Variants in POLR1D observed in about 807,000 individuals in gnomAD.
The protein encoded by POLR1D is RNA polymerase I and III subunit D.
Under a neutral mutation model 10.8 loss-of-function variants are expected in POLR1D, and 8 were observed. That is an observed-to-expected ratio of 0.74 (90% confidence interval 0.43 to 1.33). POLR1D has a LOEUF of 1.33. Ranked by LOEUF, POLR1D falls within the 40% of genes most tolerant of loss-of-function variation. The pLI, the probability that POLR1D is intolerant of heterozygous loss-of-function variation, is 0.01. For missense variants in POLR1D, 152 were observed against 161.7 expected, an observed-to-expected ratio of 0.94 and a Z score of 0.32; for synonymous variants, 54 against 57.2, an observed-to-expected ratio of 0.94 and a Z score of 0.25.
intron 2 of POLR1D, among the ~76,000 whole-genome samples, chr13:27,655,157 A>G (rs1445103883): frequency 1.3e-5 from 2 of 152,228 alleles, no homozygotes; most frequent in African/African-American, 4.8e-5. Context: ...TTCAAAATCA[A>G]TTCCTTATAC....
At chr13:27,665,470 T>C (rs1956406431) in intron 2 of POLR1D, 2 of 579,672 alleles carry the variant, frequency 3.5e-6, no homozygotes, top group Non-Finnish European at 6.1e-6. Context: ...AGGTTTAAAG[T>C]GTTCCAGCCA....
Position 27,663,156 on chromosome 13 carries a change from T to G in POLR1D, c.102-2530T>G, listed in dbSNP as rs958147879. On this transcript the variant is annotated intron_variant, in intron 2 of 2. Coordinates refer to the POLR1D transcript ENST00000399697. This position sits in a 1 kb window ranked among gnomAD's most constrained non-coding sequence, Gnocchi z 4.1. ...GTGCAGATTTTGGAATTTCTTTATA[T>G]AAAATGATTTACTATATGTACCTTC... Among the ~76,000 whole-genome samples the G allele has an allele frequency of 6.6e-6, 1 of 152,256 alleles. No homozygotes were observed. The highest frequency in any genetic ancestry group is 2.4e-5 in the African/African-American group (1 of 41,466).
chr13:27,620,951 A>C (rs935273602), upstream of POLR1D: 1 of 152,870 alleles, frequency 6.5e-6, no homozygotes, highest in African/African-American at 2.4e-5. Context: ...AGGGAAGCAG[A>C]AACGTAGTTG....
Position 27,623,405 on chromosome 13 carries a change from C to T in POLR1D, c.*155C>T. ...CCCCTTGCAGCTGTTGGAATCTCTG[C>T]AAGAACCTCTGTATTCTTCTAATAA... On this transcript the variant is annotated 3_prime_UTR_variant, in exon 2 of 2. Transcript: ENST00000302979. 1 of 1,463,256 alleles carries T rather than the reference C, an allele frequency of 6.8e-7. No individual in the cohort carries two copies. The highest frequency in any genetic ancestry group is 9.0e-7 in the Non-Finnish European group (1 of 1,108,046). The allele number at this position is 1,463,256 out of a possible 1,614,324, so 90.6% of individuals were successfully genotyped here.
At chr13:27,642,852 G>A (rs1481564755) in intron 1 of POLR1D, among the ~76,000 whole-genome samples, 1 of 152,088 alleles carries the variant, frequency 6.6e-6, no homozygotes, top group Non-Finnish European at 1.5e-5. Context: ...CAGTATCTTT[G>A]TCTTATTTTT....
chr13:27,644,796 T>A (rs1956204432), intron 1 of POLR1D, among the ~76,000 whole-genome samples: 1 of 152,218 alleles, frequency 6.6e-6, no homozygotes, highest in Non-Finnish European at 1.5e-5. Context: ...GTATTTTAAT[T>A]ACAGTTTATA....
Position 27,663,431 on chromosome 13 carries a change from T to C in POLR1D, c.102-2255T>C, listed in dbSNP as rs1174727865. 6.6e-6 allele frequency among the ~76,000 whole-genome samples: 1 copy of C among 152,220 alleles called. No homozygotes were observed. Among genetic ancestry groups the C allele is most frequent in the African/African-American group, 2.4e-5 (1 of 41,472 alleles). The stretch of plus-strand genomic sequence containing the variant: ...TCTCTGATGTTAAAAGAGATGTAAA[T>C]GCCAGTTTTCTTGTGGAATTATTCT... On this transcript the variant is annotated intron_variant, in intron 2 of 2. Transcript: ENST00000399697. This position sits in a 1 kb window ranked among gnomAD's most constrained non-coding sequence, Gnocchi z 4.1.
intron 2 of POLR1D, among the ~76,000 whole-genome samples, chr13:27,659,115 A>G (rs962468815): frequency 6.6e-6 from 1 of 152,218 alleles, no homozygotes; most frequent in Non-Finnish European, 1.5e-5. Context: ...AGTTTATGTC[A>G]TCAACTGTTG....
chr13:27,633,861 G>T (rs1566144871), intron 1 of POLR1D, among the ~76,000 whole-genome samples: 1 of 152,120 alleles, frequency 6.6e-6, no homozygotes, highest in African/African-American at 2.4e-5. Flanking sequence ...CTTAACAAGG[G>T]GTTTGTGTTG....
chr13:27,644,764 T>G (rs1237259263), intron 1 of POLR1D, among the ~76,000 whole-genome samples: 3 of 149,730 alleles, frequency 2.0e-5, no homozygotes, highest in Non-Finnish European at 4.5e-5. Context: ...AGTTCTTATA[T>G]ATTCTCCTAT....
intron 1 of POLR1D, chr13:27,648,292 T>C: frequency 1.1e-6 from 1 of 933,282 alleles, no homozygotes; most frequent in Non-Finnish European, 1.7e-6. Flanking sequence ...AGTTAGTTCC[T>C]TTCCCAAGAT....
intron 2 of POLR1D, among the ~76,000 whole-genome samples, chr13:27,654,493 CT>C (rs1260333088): frequency 3.3e-5 from 5 of 152,160 alleles, no homozygotes; most frequent in Admixed American, 2.0e-4. Flanking sequence ...TTCTAATTTT[CT>C]TTCATCTGGA....
At chr13:27,633,082 C>T (rs1339928217) in intron 1 of POLR1D, among the ~76,000 whole-genome samples, 5 of 152,062 alleles carry the variant, frequency 3.3e-5, no homozygotes. Flanking sequence ...GGAGTCAGAC[C>T]TAGAGGTTCA....
chr13:27,656,788 C>T (rs1048574917), intron 2 of POLR1D, among the ~76,000 whole-genome samples: 6 of 150,756 alleles, frequency 4.0e-5, no homozygotes, highest in Non-Finnish European at 8.8e-5. Flanking sequence ...GTGTGCAGAC[C>T]TAAGTACAGA....
intron 2 of POLR1D, among the ~76,000 whole-genome samples, chr13:27,659,609 C>T (rs1956340455): frequency 6.6e-6 from 1 of 152,174 alleles, no homozygotes; most frequent in Non-Finnish European, 1.5e-5. Flanking sequence ...CTTACTGCCC[C>T]TGCTTCCCAC....
Position 27,623,284 on chromosome 13 carries a change from T to C in POLR1D, c.*34T>C. On this transcript the variant is annotated 3_prime_UTR_variant, in exon 2 of 2. Transcript: ENST00000302979. The stretch of plus-strand genomic sequence containing the variant: ...GCAGTATACAAGGAGAACTGTCCTG[T>C]AGGATATTCTCTTCCTGATGGTGCA... The C allele has an allele frequency of 6.2e-7, 1 of 1,612,322 alleles. No individual in the cohort carries two copies. The highest frequency in any genetic ancestry group is 1.1e-5 in the South Asian group (1 of 90,334).
chr13:27,657,671 A>T (rs746748684), intron 2 of POLR1D, among the ~76,000 whole-genome samples: 1 of 152,252 alleles, frequency 6.6e-6, no homozygotes, highest in African/African-American at 2.4e-5. Flanking sequence ...AGATCTCATC[A>T]ATCAAGTTTG....
chr13:27,622,025 G>C lies in POLR1D; in HGVS notation c.26+16G>C. 6.3e-7 allele frequency: 1 copy of C among 1,576,214 alleles called. No individual in the cohort carries two copies. On this transcript the variant is annotated intron_variant, in intron 1 of 1. Transcript: ENST00000302979. Reference sequence around the variant, plus strand: ...AGCTGGAGAGGTAACGGCCGAGGAGGAGGCGGGCGGAGCGGGCCGCGCCCA... The same window carrying C: ...AGCTGGAGAGGTAACGGCCGAGGAGCAGGCGGGCGGAGCGGGCCGCGCCCA...
chr13:27,632,103 A>G (rs1351447163), intron 1 of POLR1D, among the ~76,000 whole-genome samples: 1 of 152,180 alleles, frequency 6.6e-6, no homozygotes, highest in Non-Finnish European at 1.5e-5. Context: ...AGCCTCTAAC[A>G]CTACTATCTT....
Sources: allele counts gnomAD v4.1 joint callset (sites outside exome capture counted in the v4.1 genomes callset), GRCh38; gene constraint gnomAD v4.1.1; non-coding constraint Gnocchi (gnomAD v3.1); transcripts MANE v1.5; gene names NCBI Gene and HGNC (gene_info 2026-07-23, HGNC 2026-07-21).